Variants in PCDHA2 observed in about 807,000 individuals in gnomAD.
PCDHA2 encodes protocadherin alpha 2.
A neutral mutation model predicts 66.0 loss-of-function variants in PCDHA2; 58 were observed. The observed-to-expected ratio is 0.88, with a 90% CI of 0.71 to 1.09. The LOEUF (loss-of-function observed/expected upper bound fraction) is 1.09. Ranked by LOEUF, PCDHA2 falls within the 50% of genes least tolerant of loss-of-function variation. The pLI is 0.00. For missense variants in PCDHA2, 1,267 were observed against 1,242.3 expected (o/e 1.02, Z -0.30); for synonymous variants, 634 against 554.0 (o/e 1.14, Z -2.03).
chr5:140,948,240 T>C (rs1554218495), intron 1 of PCDHA2, among the ~76,000 whole-genome samples: 1 of 151,684 alleles, frequency 6.6e-6, no homozygotes, highest in East Asian at 1.9e-4. Flanking sequence ...TGTATTTTAG[T>C]AAATATTTTT....
chr5:140,985,643 A>G (rs564908892), intron 3 of PCDHA2, among the ~76,000 whole-genome samples: 1 of 151,200 alleles, frequency 6.6e-6, no homozygotes, highest in Non-Finnish European at 1.5e-5. Context: ...TCATCCCAAC[A>G]CTTGCAATGG....
chr5:140,809,010 C>T lies in PCDHA2; in HGVS notation c.2388+11658C>T, dbSNP rs267600386. On this transcript the variant is annotated intron_variant, in intron 1 of 3. Transcript: ENST00000526136. ...GACTCGGGCTACAACGCGTGGCTTT[C>T]GTACGAGCTGCAGCCGGGGACTGGT... 2.5e-6 allele frequency: 4 copies of T among 1,613,664 alleles called. No homozygotes were observed. In the South Asian group the frequency reaches 3.3e-5, roughly 13 times the overall value.
intron 1 of PCDHA2, among the ~76,000 whole-genome samples, chr5:140,907,434 A>G (rs782559641): frequency 2.5e-4 from 38 of 152,256 alleles, no homozygotes; most frequent in Non-Finnish European, 4.4e-4. Context: ...GCATTCTGTG[A>G]GTCCACAGAT....
intron 1 of PCDHA2, chr5:140,858,069 C>A: frequency 6.3e-7 from 1 of 1,597,662 alleles, no homozygotes; most frequent in Non-Finnish European, 8.6e-7. Flanking sequence ...GGCAGCCAGG[C>A]ACCCAAGGCC....
At chr5:140,966,528 G>T (rs567098369) in intron 1 of PCDHA2, 235 of 446,634 alleles carry the variant, frequency 5.3e-4, no homozygotes, top group Non-Finnish European at 7.8e-4. Context: ...AGCCGAGCCG[G>T]GTTGAGCGAC....
intron 1 of PCDHA2, chr5:140,824,256 C>T (rs1554129826): frequency 7.4e-7 from 1 of 1,360,360 alleles, no homozygotes; most frequent in Non-Finnish European, 1.0e-6. Context: ...ACAATTATTG[C>T]ACTAATTCAT....
chr5:140,884,702 T>C (rs1362804646), intron 1 of PCDHA2: 7 of 1,495,380 alleles, frequency 4.7e-6, no homozygotes, highest in East Asian at 4.7e-5. Context: ...GTAAACACTT[T>C]AGCCTTCCTT....
chr5:140,951,833 A>G (rs2094641584), intron 1 of PCDHA2, among the ~76,000 whole-genome samples: 1 of 152,190 alleles, frequency 6.6e-6, no homozygotes, highest in Admixed American at 6.5e-5. Flanking sequence ...TCATTCCAGC[A>G]TTAAGCCAAA....
rs1311910675 is a variant in PCDHA2 at position 140,796,933 on chromosome 5, C to G, written c.1969C>G (p.Pro657Ala). 1.2e-6 allele frequency: 2 copies of G among 1,613,864 alleles called. No individual in the cohort carries two copies. The highest frequency in any genetic ancestry group is 2.7e-5 in the African/African-American group (2 of 75,050). Residue 657 changes from proline (P) to alanine (A), a missense_variant, in exon 1 of 4, where the codon CCA becomes GCA. Transcript: ENST00000526136. ...CGTGCTGGTGAAGGACCACGGCGAA[C>G]CAGCGTTGACAGCCACGGCCACCGT... Reference protein sequence around the residue: ...LLVLVKDHGEPALTATATVLV... With the variant: ...LLVLVKDHGEAALTATATVLV...
chr5:140,828,192 C>G (rs1554131077), intron 1 of PCDHA2: 3 of 1,614,102 alleles, frequency 1.9e-6, no homozygotes, highest in Admixed American at 3.3e-5. Context: ...CTCCACTACT[C>G]CGTACCCGAG....
chr5:140,906,718 G>C (rs1554192673), intron 1 of PCDHA2, among the ~76,000 whole-genome samples: 1 of 152,140 alleles, frequency 6.6e-6, no homozygotes, highest in Admixed American at 6.5e-5. Flanking sequence ...TGCCTGGATT[G>C]TGCTGTTGTA....
At position 140,894,082 on chromosome 5, in the gene PCDHA2, A is replaced by C. The variant is rs2064311424; in HGVS notation, c.2389-84867A>C. On this transcript the variant is annotated intron_variant, in intron 1 of 3. Transcript: ENST00000526136. ...TTTTTAAATACATTTATTTTATTCC[A>C]GTATCTTCTAGCTCCTGGTGTTGCA... 3.3e-5 allele frequency among the ~76,000 whole-genome samples: 5 copies of C among 152,174 alleles called. No homozygotes were observed. In the South Asian group the frequency reaches 8.3e-4, roughly 25 times the overall value.
At chr5:140,959,568 T>A (rs1333268160) in intron 1 of PCDHA2, among the ~76,000 whole-genome samples, 1 of 152,208 alleles carries the variant, frequency 6.6e-6, no homozygotes, top group African/African-American at 2.4e-5. Flanking sequence ...GTACTAGATT[T>A]TTTGTTTCAA....
At position 140,796,312 on chromosome 5, in the gene PCDHA2, G is replaced by C. The variant is rs1554119838; in HGVS notation, c.1348G>C (p.Asp450His). The C allele has an allele frequency of 3.1e-6, 5 of 1,614,110 alleles. No homozygotes were observed. Among genetic ancestry groups the C allele is most frequent in the South Asian group, 1.1e-5 (1 of 91,082 alleles). ...SVSIEVADVN[D>H]NAPAFAQPEY... The stretch of plus-strand genomic sequence containing the variant: ...GTCCATCGAGGTGGCCGACGTGAAC[G>C]ACAACGCGCCGGCGTTCGCACAGCC... The change falls in exon 1 of 4, where the codon GAC becomes CAC. Residue 450 changes from aspartate to histidine, a missense_variant. By Grantham distance (81) the Asp-to-His change is moderately conservative (BLOSUM62 -1). Transcript: ENST00000526136.
At chr5:140,896,318 C>T (rs1036368074) in intron 1 of PCDHA2, among the ~76,000 whole-genome samples, 8 of 152,150 alleles carry the variant, frequency 5.3e-5, no homozygotes, top group African/African-American at 1.9e-4. Flanking sequence ...AACTGCTTTC[C>T]ACAGTGGCTA....
chr5:140,852,737 C>T (rs980998080), intron 1 of PCDHA2: 2 of 983,692 alleles, frequency 2.0e-6, no homozygotes, highest in Non-Finnish European at 1.2e-6. Flanking sequence ...GTTTCATGTG[C>T]CATTTAAACT....
chr5:140,891,742 A>T (rs2063228656), intron 1 of PCDHA2, among the ~76,000 whole-genome samples: 1 of 152,150 alleles, frequency 6.6e-6, no homozygotes, highest in African/African-American at 2.4e-5. Context: ...TCAATCCCTT[A>T]TACAACAGTG....
intron 3 of PCDHA2, among the ~76,000 whole-genome samples, chr5:141,003,751 T>G (rs3822342): frequency 0.05 from 7,683 of 152,316 alleles, 243 homozygotes; most frequent in South Asian, 0.11. Flanking sequence ...ATATTTTGTA[T>G]AATTATGGTC....
intron 1 of PCDHA2, among the ~76,000 whole-genome samples, chr5:140,964,381 T>C (rs1008874330): frequency 1.3e-5 from 2 of 152,176 alleles, no homozygotes. Flanking sequence ...AGGAGAGTCC[T>C]GGTTTTTCTC....
Sources: gnomAD v4.1 joint callset for allele counts (sites outside exome capture counted in the v4.1 genomes callset) on GRCh38, gnomAD v4.1.1 for gene constraint, MANE v1.5 for transcripts, NCBI Gene and HGNC (gene_info 2026-07-23, HGNC 2026-07-21) for gene names.